Variants in HSF5 observed in about 807,000 individuals in gnomAD.
HSF5 encodes the protein heat shock factor protein 5.
HSF5 carries 5 observed loss-of-function variants against 50.8 expected under a neutral mutation model. The observed-to-expected ratio is 0.10, with a 90% CI of 0.05 to 0.21. The LOEUF (loss-of-function observed/expected upper bound fraction) is 0.21, where lower values mean the gene tolerates loss of function less well. Ranked by LOEUF, HSF5 falls within the 10% of genes least tolerant of loss-of-function variation. The pLI, the probability that HSF5 is intolerant of heterozygous loss-of-function variation, is 1.00. For missense variants in HSF5, 564 were observed against 762.6 expected, an observed-to-expected ratio of 0.74 and a Z score of 3.07; for synonymous variants, 307 against 307.4, an observed-to-expected ratio of 1.00 and a Z score of 0.02.
In HSF5 at chr17:58,480,289, C is replaced by T. The variant is rs760065191; in HGVS notation, c.551-22G>A. 5.7e-6 allele frequency: 9 copies of T among 1,568,004 alleles called. No homozygotes were observed. In the Admixed American group the frequency reaches 1.5e-4, roughly 26 times the overall value. ...GGTCCTACATAAAAGAGGAAGAGCA[C>T]ATTTACTAATTTTGCATTACATCAC... is the stretch of plus-strand genomic sequence containing the variant. On this transcript the variant is annotated intron_variant, in intron 1 of 5. Coordinates refer to ENST00000323777, the MANE Select transcript of HSF5 (RefSeq NM_001080439.3).
At chr17:58,469,224 C>A (rs1974912729) in intron 2 of HSF5, among the ~76,000 whole-genome samples, 2 of 151,886 alleles carry the variant, frequency 1.3e-5, no homozygotes, top group South Asian at 4.1e-4. Context: ...AGCTGTGTTT[C>A]ATTACAAATA....
intron 5 of HSF5, among the ~76,000 whole-genome samples, chr17:58,445,061 T>C (rs1253763039): frequency 1.3e-5 from 2 of 152,168 alleles, no homozygotes; most frequent in African/African-American, 4.8e-5. Flanking sequence ...TCATGCTCAC[T>C]GAGATGGCTA....
intron 5 of HSF5, among the ~76,000 whole-genome samples, chr17:58,425,704 C>T (rs920401626): frequency 6.7e-6 from 1 of 149,198 alleles, no homozygotes; most frequent in African/African-American, 2.5e-5. Flanking sequence ...AATACATTTA[C>T]ATAACATCTC....
At chr17:58,479,711 C>A (rs539788174) in intron 2 of HSF5, among the ~76,000 whole-genome samples, 182 bp downstream of exon 2, 1 of 152,290 alleles carries the variant, frequency 6.6e-6, no homozygotes, top group South Asian at 2.1e-4. Flanking sequence ...TCCTTAAAAA[C>A]ACAATGAAAT....
At chr17:58,445,318 G>A (rs1276675892) in intron 5 of HSF5, among the ~76,000 whole-genome samples, 2 of 152,268 alleles carry the variant, frequency 1.3e-5, no homozygotes, top group South Asian at 2.1e-4. Context: ...GGTGGCACAC[G>A]CCTGTAGTCC....
chr17:58,459,349 T>A (rs916457133), intron 4 of HSF5, among the ~76,000 whole-genome samples: 2 of 152,070 alleles, frequency 1.3e-5, no homozygotes, highest in South Asian at 2.1e-4. Context: ...AGCTAATTTT[T>A]AAAAAGTTTT....
At chr17:58,439,854 C>A (rs1003457735) in intron 5 of HSF5, among the ~76,000 whole-genome samples, 3 of 149,190 alleles carry the variant, frequency 2.0e-5, no homozygotes, top group Admixed American at 1.3e-4. Flanking sequence ...GAACATTCCA[C>A]AAAATAGAAA....
chr17:58,476,321 C>T, intron 2 of HSF5: 5 of 1,096,586 alleles, frequency 4.6e-6, no homozygotes, highest in Middle Eastern at 3.0e-4. Flanking sequence ...CAAATACCAT[C>T]TTTGATGACC....
At chr17:58,477,517 T>G (rs1431345947) in intron 2 of HSF5, among the ~76,000 whole-genome samples, 1 of 150,338 alleles carries the variant, frequency 6.7e-6, no homozygotes, top group African/African-American at 2.5e-5. Flanking sequence ...TGGAGTGCAG[T>G]GGCGCGATCT....
Position 58,422,798 on chromosome 17 carries a change from T to C in HSF5, c.1721-368A>G, listed in dbSNP as rs138522091. On this transcript the variant is annotated intron_variant, in intron 5 of 5. Coordinates refer to ENST00000323777, the MANE Select transcript of HSF5 (RefSeq NM_001080439.3). Reference sequence around the variant, plus strand: ...GCAACCTCTGCCTCCTGGGTTCAACTGATTATCCTGCCTCAGCCTCCCAAG... The same window carrying C: ...GCAACCTCTGCCTCCTGGGTTCAACCGATTATCCTGCCTCAGCCTCCCAAG... Among the ~76,000 whole-genome samples the C allele has an allele frequency of 7.0e-3, 1,054 of 150,972 alleles. 9 individuals carry two copies. The highest frequency in any genetic ancestry group is 0.024 in the African/African-American group (991 of 41,124).
In HSF5 at chr17:58,488,088, CAGT is replaced by C; in HGVS notation, c.184_186del (p.Thr62del). On this transcript the variant is annotated inframe_deletion, in exon 1 of 6. Transcript: ENST00000323777. This position sits in a 1 kb window ranked among gnomAD's most constrained non-coding sequence, Gnocchi z 4.1. ...AGCTCGGGCTCGGCCCCGGCCCCCG[CAGT>C]CCCGCCACCGCCCCCCGGCCCGGGC... is the stretch of plus-strand genomic sequence containing the variant. 6.3e-7 allele frequency: 1 copy of C among 1,576,658 alleles called. No individual in the cohort carries two copies. Among genetic ancestry groups the C allele is most frequent in the Non-Finnish European group, 8.6e-7 (1 of 1,167,912 alleles).
At position 58,473,016 on chromosome 17, in the gene HSF5, A is replaced by G. The variant is rs574109650; in HGVS notation, c.926-6037T>C. Among the ~76,000 whole-genome samples the G allele has an allele frequency of 2.0e-5, 3 of 152,246 alleles. No homozygotes were observed. The South Asian group carries it at 6.2e-4, about 32-fold the overall frequency. ...TCTCAAAAAAACAAAGCAAAAAACA[A>G]AAGACCCTCTTCATGAGAGGCAGGC... is the stretch of plus-strand genomic sequence containing the variant. On this transcript the variant is annotated intron_variant, in intron 2 of 5. Coordinates refer to ENST00000323777, the MANE Select transcript of HSF5 (RefSeq NM_001080439.3).
At chr17:58,476,295 C>T (rs1975011154) in intron 2 of HSF5, 2 of 1,018,608 alleles carry the variant, frequency 2.0e-6, no homozygotes, top group Non-Finnish European at 3.1e-6. Flanking sequence ...CCAAGTGGTA[C>T]TGTAATGGGT....
rs750229171 is a variant in HSF5, at chr17:58,463,113, G to A, written c.1211C>T (p.Pro404Leu). 13 of 1,614,062 alleles carry A rather than the reference G, an allele frequency of 8.1e-6. No homozygotes were observed. The highest frequency in any genetic ancestry group is 2.2e-5 in the East Asian group (1 of 44,908). Residue 404 changes from proline (P) to leucine (L), a missense_variant, in exon 4 of 6, where the codon CCG becomes CTG. Physicochemically the swap from Pro to Leu is moderately conservative, Grantham distance 98. Coordinates refer to ENST00000323777, the MANE Select transcript of HSF5 (RefSeq NM_001080439.3). Reference sequence around the variant, plus strand: ...TAAAATGTGTTGGCCTCTGTAAGACGGAGATGTTGGGCACTGATTCTCAAC... The same window carrying A: ...TAAAATGTGTTGGCCTCTGTAAGACAGAGATGTTGGGCACTGATTCTCAAC... ...EPVENQCPTS[P>L]SYRGQHILAN... is the part of the protein sequence containing the mutation.
Position 58,460,513 on chromosome 17 carries a change from AC to A in HSF5, c.1543-1569del, listed in dbSNP as rs1417017566. Reference sequence around the variant, plus strand: ...CACACACACACACACACACACACATACTTTTTTTTTTTTTGAGACGGAGTCT... The same window carrying A: ...CACACACACACACACACACACACATATTTTTTTTTTTTTGAGACGGAGTCT... On this transcript the variant is annotated intron_variant, in intron 4 of 5. Transcript: ENST00000323777. Among the ~76,000 whole-genome samples the A allele has an allele frequency of 8.5e-3, 1,199 of 141,270 alleles. 23 individuals are homozygous for A. The highest frequency in any genetic ancestry group is 0.029 in the African/African-American group (1,099 of 38,110). 92.7% of individuals were successfully genotyped at this position (141,270 alleles called of 152,430 possible).
chr17:58,482,912 C>T (rs1326651562), intron 1 of HSF5, among the ~76,000 whole-genome samples: 3 of 149,824 alleles, frequency 2.0e-5, no homozygotes, highest in Non-Finnish European at 4.4e-5. Flanking sequence ...TGAACTCCAG[C>T]CTGGGTGACA....
At chr17:58,476,955 C>A (rs1324621693) in intron 2 of HSF5, 4 of 671,044 alleles carry the variant, frequency 6.0e-6, no homozygotes, top group Non-Finnish European at 5.2e-6. Flanking sequence ...GCCCATGTGG[C>A]ACGGTTGGGA....
At chr17:58,468,353 G>A (rs1005503807) in intron 2 of HSF5, among the ~76,000 whole-genome samples, 1 of 152,116 alleles carries the variant, frequency 6.6e-6, no homozygotes, top group Admixed American at 6.5e-5. Context: ...AGCCATGATT[G>A]TGCCACTGCA....
At chr17:58,477,016 C>T (rs1975022054) in intron 2 of HSF5, 5 of 574,094 alleles carry the variant, frequency 8.7e-6, no homozygotes, top group South Asian at 8.0e-5. Flanking sequence ...CAGCTTCCCC[C>T]TCACGGCACA....
Sources: allele counts gnomAD v4.1 joint callset (sites outside exome capture counted in the v4.1 genomes callset), GRCh38; gene constraint gnomAD v4.1.1; non-coding constraint Gnocchi (gnomAD v3.1); transcripts MANE v1.5; gene names NCBI Gene and HGNC (gene_info 2026-07-23, HGNC 2026-07-21).